ATRX: variants seen among roughly 807,000 people sequenced by gnomAD.
ATRX encodes the protein ATRX chromatin remodeler, also known as chromatin remodeler ATRX.
A neutral mutation model predicts 172.6 loss-of-function variants in ATRX; 12 were observed. The ratio of observed to expected loss-of-function variants is 0.07; its 90% confidence interval spans 0.04 to 0.11. The LOEUF is 0.11. Ranked by LOEUF, ATRX falls within the 10% of genes least tolerant of loss-of-function variation. ATRX has a pLI of 1.00. For missense variants in ATRX, 1,368 were observed against 1,767.4 expected (o/e 0.77, Z 4.05); for synonymous variants, 674 against 594.7 (o/e 1.13, Z -1.94).
chrX:77,721,274 G>C (rs1306924933), intron 1 of ATRX, among the ~76,000 whole-genome samples: 1 of 111,727 alleles, frequency 9.0e-6, no homozygotes, highest in Non-Finnish European at 1.9e-5. Flanking sequence ...TACAAGACAA[G>C]GATGCCCACT....
intron 1 of ATRX, among the ~76,000 whole-genome samples, chrX:77,720,231 A>C (rs782704132): frequency 8.9e-6 from 1 of 112,206 alleles, no homozygotes; most frequent in Non-Finnish European, 1.9e-5. Context: ...AAAGCAGGAA[A>C]TATCTAAAGT....
chrX:77,549,890 C>T (rs1488937999), intron 30 of ATRX, among the ~76,000 whole-genome samples: 1 of 111,615 alleles, frequency 9.0e-6, no homozygotes, highest in African/African-American at 3.3e-5. Flanking sequence ...GAGGCCAAGG[C>T]AGGAGGATCA....
intron 1 of ATRX, among the ~76,000 whole-genome samples, chrX:77,771,105 T>G (rs782206529): frequency 9.9e-5 from 11 of 111,155 alleles, no homozygotes; most frequent in African/African-American, 3.6e-4. Context: ...CGGCCGGGCG[T>G]GGTGGTTCAT....
intron 34 of ATRX, among the ~76,000 whole-genome samples, chrX:77,514,425 C>G (rs1340130558): frequency 9.0e-6 from 1 of 111,650 alleles, no homozygotes; most frequent in African/African-American, 3.3e-5. Context: ...ACCAATGGAA[C>G]TGAATAGACA....
At chrX:77,583,290 G>A (rs1031205314) in intron 27 of ATRX, among the ~76,000 whole-genome samples, 1 of 111,460 alleles carries the variant, frequency 9.0e-6, no homozygotes, top group Non-Finnish European at 1.9e-5. Context: ...CTGGAAGGCC[G>A]AGGCAGGTGG....
chrX:77,693,828 G>A lies in ATRX; in HGVS notation c.480C>T (p.Arg160=), dbSNP rs1422750101. 2.5e-6 allele frequency: 3 copies of A among 1,196,043 alleles called. No homozygotes were observed. Among genetic ancestry groups the A allele is most frequent in the Non-Finnish European group, 2.3e-6 (2 of 883,028 alleles). ...SKMKTENLKK[R]GEDGLHGIVS... is the part of the protein sequence containing the mutation. Reference sequence around the variant, plus strand: ...TTCATTTTCACTTGTATTTACCTCCGCGTTTTTTGAGATTTTCAGTTTTCA... The same window carrying A: ...TTCATTTTCACTTGTATTTACCTCCACGTTTTTTGAGATTTTCAGTTTTCA... The change falls in exon 6 of 35, where the codon CGC becomes CGT. Residue 160 remains arginine, a synonymous_variant. Transcript: ENST00000373344.
intron 15 of ATRX, among the ~76,000 whole-genome samples, chrX:77,641,694 T>C (rs2068666431): frequency 9.1e-6 from 1 of 110,438 alleles, no homozygotes; most frequent in Non-Finnish European, 1.9e-5. Flanking sequence ...AAAATTATAG[T>C]ACACTGTAAT....
intron 1 of ATRX, among the ~76,000 whole-genome samples, chrX:77,739,699 C>A (rs938714612): frequency 3.6e-5 from 4 of 110,323 alleles, no homozygotes; most frequent in East Asian, 5.6e-4. Flanking sequence ...AGGAGAACAT[C>A]AAAAATAAGC....
intron 1 of ATRX, among the ~76,000 whole-genome samples, chrX:77,773,396 C>G (rs1271656092): frequency 9.0e-6 from 1 of 111,089 alleles, no homozygotes; most frequent in Non-Finnish European, 1.9e-5. Flanking sequence ...AGAAATTAAT[C>G]AAGCCAAACT....
intron 34 of ATRX, among the ~76,000 whole-genome samples, chrX:77,514,172 G>T (rs1007204685): frequency 1.8e-5 from 2 of 111,963 alleles, no homozygotes; most frequent in Admixed American, 1.9e-4. Context: ...TGTTGAAATG[G>T]TCATACTGCC....
intron 1 of ATRX, among the ~76,000 whole-genome samples, chrX:77,779,569 C>T (rs957539450): frequency 1.1e-4 from 12 of 111,517 alleles, no homozygotes; most frequent in Non-Finnish European, 1.9e-4. Context: ...ATCCCTAGCG[C>T]AATCAATATA....
intron 11 of ATRX, among the ~76,000 whole-genome samples, chrX:77,664,375 T>G (rs782163229): frequency 2.9e-4 from 32 of 109,639 alleles, no homozygotes; most frequent in African/African-American, 8.6e-4. Flanking sequence ...TTCTCCTGCC[T>G]CAGCCTCCTG....
chrX:77,635,804 C>T (rs933385169), intron 16 of ATRX, 111 bp downstream of exon 16: 4 of 691,830 alleles, frequency 5.8e-6, no homozygotes, highest in Admixed American at 3.4e-5. Context: ...ATTCCCCACC[C>T]CACTCACCAA....
intron 23 of ATRX, among the ~76,000 whole-genome samples, 197 bp from the exon 24 acceptor site, chrX:77,600,017 G>T (rs2148152150): frequency 9.0e-6 from 1 of 111,204 alleles, no homozygotes; most frequent in African/African-American, 3.3e-5. Flanking sequence ...TTGGATCATG[G>T]AAAACAAAAA....
chrX:77,608,941 G>C, intron 22 of ATRX, among the ~76,000 whole-genome samples: 1 of 111,735 alleles, frequency 8.9e-6, no homozygotes, highest in East Asian at 2.8e-4. Context: ...GATCTGAGTA[G>C]ACATTTCTCA....
At chrX:77,518,271 T>C (rs1569514993) in intron 34 of ATRX, among the ~76,000 whole-genome samples, 1 of 112,140 alleles carries the variant, frequency 8.9e-6, no homozygotes, top group Non-Finnish European at 1.9e-5. Context: ...TGGAAAAACC[T>C]AAAGACTCCA....
chrX:77,578,173 C>T (rs1429191227), intron 27 of ATRX, among the ~76,000 whole-genome samples: 2 of 111,561 alleles, frequency 1.8e-5, no homozygotes, highest in African/African-American at 6.5e-5. Flanking sequence ...GTAAGTCACG[C>T]CACAGTGGGC....
chrX:77,698,858 G>C (rs1453324971), intron 2 of ATRX: 3 of 422,567 alleles, frequency 7.1e-6, no homozygotes, highest in Admixed American at 6.6e-5. Flanking sequence ...AGATTACTTT[G>C]GTATAAAAAC....
At chrX:77,643,262 AAC>A (rs370939089) in intron 15 of ATRX, among the ~76,000 whole-genome samples, 27 of 107,775 alleles carry the variant, frequency 2.5e-4, no homozygotes, top group South Asian at 2.4e-3. Context: ...ACAGCTTTAA[AAC>A]ACACACACAC....
Sources: gnomAD v4.1 joint callset for allele counts (sites outside exome capture counted in the v4.1 genomes callset) on GRCh38, gnomAD v4.1.1 for gene constraint, MANE v1.5 for transcripts, NCBI Gene and HGNC (gene_info 2026-07-23, HGNC 2026-07-21) for gene names.